OTUD7A: variants seen among roughly 807,000 people sequenced by gnomAD.
The protein encoded by OTUD7A is OTU domain-containing protein 7A.
A neutral mutation model predicts 65.7 loss-of-function variants in OTUD7A; 12 were observed. The observed-to-expected ratio is 0.18, with a 90% CI of 0.12 to 0.30. The LOEUF (loss-of-function observed/expected upper bound fraction) is 0.30, where lower values mean the gene tolerates loss of function less well. Among genes scored for constraint, OTUD7A ranks in the 10% least tolerant of loss-of-function variants. The probability of loss-of-function intolerance (pLI) is 1.00; values close to 1 mark genes in which losing one functional copy is unlikely to be tolerated. For synonymous variants in OTUD7A, 641 were observed against 586.3 expected (o/e 1.09, Z -1.35); for missense variants, 1,148 against 1,304.8 (o/e 0.88, Z 1.85).
intron 1 of OTUD7A, among the ~76,000 whole-genome samples, chr15:31,678,199 A>T (rs7170503): frequency 0.056 from 8,501 of 152,314 alleles, 803 homozygotes; most frequent in African/African-American, 0.19. Context: ...TGCTCTTAAA[A>T]GCATTTAGTT....
intron 3 of OTUD7A, among the ~76,000 whole-genome samples, chr15:31,629,046 A>ATG (rs1891055883): frequency 2.0e-5 from 3 of 152,088 alleles, no homozygotes; most frequent in Admixed American, 1.3e-4. Context: ...AAACAGGGAC[A>ATG]ATTTGACTTC....
chr15:31,770,655 C>A (rs899951344), intron 1 of OTUD7A, among the ~76,000 whole-genome samples: 15 of 152,110 alleles, frequency 9.9e-5, no homozygotes, highest in Admixed American at 9.2e-4. Flanking sequence ...CATAAATGGT[C>A]TTAACAAAAT....
intron 1 of OTUD7A, among the ~76,000 whole-genome samples, chr15:31,769,903 A>C (rs1895189253): frequency 6.6e-6 from 1 of 152,226 alleles, no homozygotes; most frequent in Admixed American, 6.5e-5. Context: ...TGGTTAAATA[A>C]AATCTATATG....
At chr15:31,713,258 G>T (rs187573574) in intron 1 of OTUD7A, among the ~76,000 whole-genome samples, 4 of 152,160 alleles carry the variant, frequency 2.6e-5, no homozygotes, top group African/African-American at 9.7e-5. Flanking sequence ...AAGCAACATG[G>T]AGGAGCATCT....
rs188810269 is a variant in OTUD7A, at chr15:31,538,979, T to C, written c.551-8171A>G. On this transcript the variant is annotated intron_variant, in intron 5 of 12. Transcript: ENST00000307050. ...ATTCAAATCTTCAGATAAATGATAC[T>C]ATTAAATGCTGACGAATATGTGCTG... Among the ~76,000 whole-genome samples the C allele has an allele frequency of 2.2e-3, 328 of 152,326 alleles. 1 individual carries two copies. The highest frequency in any genetic ancestry group is 7.7e-3 in the African/African-American group (320 of 41,576).
chr15:31,622,931 G>A (rs1890838432), intron 3 of OTUD7A, among the ~76,000 whole-genome samples: 1 of 152,204 alleles, frequency 6.6e-6, no homozygotes, highest in African/African-American at 2.4e-5. Flanking sequence ...GTGACGTACA[G>A]ATGGGGTTTT....
At chr15:31,753,721 T>TATATATATTA (rs879561188) in intron 1 of OTUD7A, among the ~76,000 whole-genome samples, 7 of 106,778 alleles carry the variant, frequency 6.6e-5, no homozygotes, top group African/African-American at 3.0e-4. Flanking sequence ...TATATATATA[T>TATATATATTA]TATATATATA....
At chr15:31,664,047 C>T (rs117524268) in intron 1 of OTUD7A, among the ~76,000 whole-genome samples, 6 of 152,220 alleles carry the variant, frequency 3.9e-5, no homozygotes, top group Middle Eastern at 3.4e-3. Flanking sequence ...TATAAATATA[C>T]TATAGTTTCT....
chr15:31,526,274 C>T (rs970916125), intron 8 of OTUD7A, 75 bp downstream of exon 8: 7 of 1,340,288 alleles, frequency 5.2e-6, no homozygotes, highest in Non-Finnish European at 7.0e-6. Context: ...CCCGTGCCAT[C>T]CCCCCATGCT....
intron 1 of OTUD7A, among the ~76,000 whole-genome samples, chr15:31,773,736 C>T (rs1895298272): frequency 6.6e-6 from 1 of 152,162 alleles, no homozygotes; most frequent in African/African-American, 2.4e-5. Context: ...AAACTGGATG[C>T]TGGAGTTTTT....
At chr15:31,499,301 T>A (rs927500932) in intron 10 of OTUD7A, among the ~76,000 whole-genome samples, 3 of 152,168 alleles carry the variant, frequency 2.0e-5, no homozygotes, top group Non-Finnish European at 2.9e-5. Context: ...CAGGGTGCTG[T>A]TTATAGGACG....
At chr15:31,843,969 AG>A (rs1203609826) in intron 1 of OTUD7A, among the ~76,000 whole-genome samples, 3 of 152,200 alleles carry the variant, frequency 2.0e-5, no homozygotes, top group Non-Finnish European at 4.4e-5. Context: ...ACCTCAGGGG[AG>A]CAGGGCCACA....
Position 31,750,680 on chromosome 15 carries a change from CAG to C in OTUD7A, c.-99-93605_-99-93604del, listed in dbSNP as rs138538921. Reference sequence around the variant, plus strand: ...GGACACATAGATCAATGGAACAAAACAGAGAGCCCAGAAGTAAAGCCACACAT... The same window carrying C: ...GGACACATAGATCAATGGAACAAAACAGAGCCCAGAAGTAAAGCCACACAT... On this transcript the variant is annotated intron_variant, in intron 1 of 12. Coordinates refer to ENST00000307050, the MANE Select transcript of OTUD7A (RefSeq NM_001382637.1). 1.4e-3 allele frequency among the ~76,000 whole-genome samples: 220 copies of C among 152,260 alleles called. 1 individual carries two copies. The highest frequency in any genetic ancestry group is 5.1e-3 in the African/African-American group (210 of 41,566).
intron 1 of OTUD7A, among the ~76,000 whole-genome samples, chr15:31,845,276 A>G (rs893895183): frequency 3.3e-5 from 5 of 152,164 alleles, no homozygotes; most frequent in East Asian, 3.9e-4. Flanking sequence ...ACCTTGTTCC[A>G]TGTCCTGTAC....
At chr15:31,740,199 G>A (rs1006510746) in intron 1 of OTUD7A, among the ~76,000 whole-genome samples, 1 of 152,174 alleles carries the variant, frequency 6.6e-6, no homozygotes, top group African/African-American at 2.4e-5. Context: ...GTGCCTGGCA[G>A]GGCAACAGCC....
chr15:31,624,343 C>G (rs968154955), intron 3 of OTUD7A, among the ~76,000 whole-genome samples: 5 of 152,188 alleles, frequency 3.3e-5, no homozygotes, highest in African/African-American at 1.2e-4. Context: ...TAATATTTCA[C>G]AAGAAACCAT....
chr15:31,763,107 AC>A (rs1312262360), intron 1 of OTUD7A, among the ~76,000 whole-genome samples: 1 of 152,126 alleles, frequency 6.6e-6, no homozygotes, highest in African/African-American at 2.4e-5. Flanking sequence ...ACATGGTGAA[AC>A]CCCATCTCTA....
At chr15:31,508,417 T>G (rs1391594485) in intron 8 of OTUD7A, among the ~76,000 whole-genome samples, 2 of 152,226 alleles carry the variant, frequency 1.3e-5, no homozygotes, top group Admixed American at 1.3e-4. Context: ...GGCGCCGATC[T>G]CCGCTCACTG....
chr15:31,535,765 C>T (rs1887780375), intron 5 of OTUD7A, among the ~76,000 whole-genome samples: 1 of 151,204 alleles, frequency 6.6e-6, no homozygotes, highest in Admixed American at 6.6e-5. Context: ...CAACCTCCAC[C>T]TCCTGGGTTC....
Sources: gnomAD v4.1 joint callset for allele counts (sites outside exome capture counted in the v4.1 genomes callset) on GRCh38, gnomAD v4.1.1 for gene constraint, MANE v1.5 for transcripts, NCBI Gene and HGNC (gene_info 2026-07-23, HGNC 2026-07-21) for gene names.